The following PIGK variants were observed in gnomAD, a reference collection of about 807,000 sequenced individuals.
PIGK encodes GPI-anchor transamidase.
In PIGK, 42 loss-of-function variants were observed where a neutral mutation model predicts 50.6. The observed-to-expected ratio is 0.83, with a 90% confidence interval of 0.65 to 1.07. The LOEUF (loss-of-function observed/expected upper bound fraction) is 1.07, where lower values mean the gene tolerates loss of function less well. Among genes scored for constraint, PIGK ranks in the 50% least tolerant of loss-of-function variants. PIGK has a pLI of 0.00. For synonymous variants in PIGK, 151 were observed against 156.0 expected (o/e 0.97, Z 0.24); for missense variants, 448 against 488.7 (o/e 0.92, Z 0.78).
chr1:77,218,328 G>A (rs149879773), intron 1 of PIGK, among the ~76,000 whole-genome samples: 1 of 152,208 alleles, frequency 6.6e-6, no homozygotes, highest in African/African-American at 2.4e-5. Context: ...GGAGGCCTAT[G>A]GAAAACAAGA....
intron 3 of PIGK, among the ~76,000 whole-genome samples, chr1:77,205,982 G>A (rs1348715391): frequency 2.0e-5 from 3 of 152,044 alleles, no homozygotes; most frequent in Non-Finnish European, 4.4e-5. Context: ...GCACAGACAT[G>A]GGTGCTGAAC....
intron 9 of PIGK, among the ~76,000 whole-genome samples, chr1:77,151,440 A>G (rs145691754): frequency 6.7e-4 from 102 of 152,332 alleles, no homozygotes; most frequent in Non-Finnish European, 1.1e-3. Context: ...CTGGAACAAG[A>G]TAAGAATGTT....
At chr1:77,204,391 G>A (rs539941308) in intron 3 of PIGK, among the ~76,000 whole-genome samples, 32 of 152,166 alleles carry the variant, frequency 2.1e-4, no homozygotes, top group African/African-American at 4.6e-4. Flanking sequence ...ATGATAATGC[G>A]TGCCCAGTGG....
intron 3 of PIGK, among the ~76,000 whole-genome samples, chr1:77,203,496 C>G (rs1053340870): frequency 2.0e-5 from 3 of 149,854 alleles, no homozygotes; most frequent in Non-Finnish European, 4.5e-5. Context: ...ACTCGAGCTA[C>G]AGAGCACTTA....
chr1:77,105,509 A>T (rs1468201396), intron 10 of PIGK, among the ~76,000 whole-genome samples: 4 of 151,916 alleles, frequency 2.6e-5, no homozygotes, highest in African/African-American at 2.4e-5. Flanking sequence ...TCAAAATTTC[A>T]TGAAAACTAG....
chr1:77,214,550 G>A (rs1656506836), intron 1 of PIGK, among the ~76,000 whole-genome samples: 1 of 152,026 alleles, frequency 6.6e-6, no homozygotes, highest in Non-Finnish European at 1.5e-5. Flanking sequence ...ACATCATATT[G>A]AACAGGGAAA....
chr1:77,164,692 T>C (rs149027138), intron 5 of PIGK, among the ~76,000 whole-genome samples: 7 of 152,034 alleles, frequency 4.6e-5, no homozygotes, highest in African/African-American at 1.2e-4. Flanking sequence ...GCAGATCGCT[T>C]AGTAAGTGTA....
intron 8 of PIGK, among the ~76,000 whole-genome samples, chr1:77,155,496 A>AT (rs1363978157): frequency 6.6e-6 from 1 of 152,216 alleles, no homozygotes; most frequent in East Asian, 1.9e-4. Context: ...TTACAGATGA[A>AT]TAAACATAAC....
At chr1:77,107,004 G>T (rs4949648) in intron 10 of PIGK, among the ~76,000 whole-genome samples, 1 of 151,786 alleles carries the variant, frequency 6.6e-6, no homozygotes, top group African/African-American at 2.4e-5. Flanking sequence ...TCTTGCTAGA[G>T]GTCTATCAAT....
chr1:77,199,744 T>G (rs1656118935), intron 3 of PIGK, among the ~76,000 whole-genome samples: 1 of 152,042 alleles, frequency 6.6e-6, no homozygotes, highest in African/African-American at 2.4e-5. Flanking sequence ...GAACACAAGA[T>G]ATTCTAGGTT....
rs376726229 is a variant in PIGK, at chr1:77,094,185, A to G, written c.1072-1695T>C. 3.9e-5 allele frequency among the ~76,000 whole-genome samples: 6 copies of G among 152,160 alleles called. No homozygotes were observed. The East Asian group carries it at 5.8e-4, about 15-fold the overall frequency. ...CGGGAAAAGGTTACCGTTATTCATT[A>G]TTAGTGGAAGCACATTTTATACAAC... On this transcript the variant is annotated intron_variant, in intron 10 of 10. Transcript: ENST00000370812.
intron 8 of PIGK, among the ~76,000 whole-genome samples, chr1:77,158,954 A>G (rs1373366899): frequency 6.6e-6 from 1 of 152,188 alleles, no homozygotes; most frequent in African/African-American, 2.4e-5. Context: ...TTTGCTAAGT[A>G]ATGAGGAGCC....
intron 9 of PIGK, among the ~76,000 whole-genome samples, chr1:77,145,385 T>C (rs1267275803): frequency 6.6e-6 from 1 of 151,864 alleles, no homozygotes; most frequent in Non-Finnish European, 1.5e-5. Context: ...ATCAATAAGA[T>C]CTCAGAAAAA....
chr1:77,140,783 TGTTTTTACATG>T (rs1654632930), intron 9 of PIGK, among the ~76,000 whole-genome samples: 1 of 152,232 alleles, frequency 6.6e-6, no homozygotes, highest in African/African-American at 2.4e-5. Flanking sequence ...TACGTATCAG[TGTTTTTACATG>T]CAAAAGAGAA....
intron 4 of PIGK, among the ~76,000 whole-genome samples, chr1:77,168,099 G>A (rs1655274036): frequency 6.6e-6 from 1 of 151,894 alleles, no homozygotes; most frequent in Admixed American, 6.6e-5. Flanking sequence ...CTCAGATTTT[G>A]TTAGTGGTAT....
At chr1:77,192,071 G>A (rs762597798) in intron 3 of PIGK, among the ~76,000 whole-genome samples, 2 of 151,972 alleles carry the variant, frequency 1.3e-5, no homozygotes, top group Non-Finnish European at 2.9e-5. Flanking sequence ...GGAGGTCCAG[G>A]CTGCAGTGAG....
At chr1:77,140,871 T>C (rs1438511538) in intron 9 of PIGK, among the ~76,000 whole-genome samples, 1 of 152,190 alleles carries the variant, frequency 6.6e-6, no homozygotes, top group Admixed American at 6.5e-5. Context: ...AGATATAAGC[T>C]TTTAAAATAC....
intron 10 of PIGK, among the ~76,000 whole-genome samples, chr1:77,109,575 A>G (rs1653788816): frequency 6.6e-6 from 1 of 152,074 alleles, no homozygotes; most frequent in African/African-American, 2.4e-5. Context: ...CATGCTAAAA[A>G]CTCTACATAA....
intron 8 of PIGK, among the ~76,000 whole-genome samples, chr1:77,155,753 G>C (rs1200763891): frequency 2.0e-5 from 3 of 152,118 alleles, no homozygotes; most frequent in Non-Finnish European, 4.4e-5. Flanking sequence ...TGCCAGGAAG[G>C]GTCCAGGCGC....
Sources: allele counts gnomAD v4.1 joint callset (sites outside exome capture counted in the v4.1 genomes callset), GRCh38; gene constraint gnomAD v4.1.1; transcripts MANE v1.5; gene names NCBI Gene and HGNC (gene_info 2026-07-23, HGNC 2026-07-21).